LRRC49: variants seen among roughly 807,000 people sequenced by gnomAD.
The protein encoded by LRRC49 is leucine-rich repeat-containing protein 49.
A neutral mutation model predicts 83.3 loss-of-function variants in LRRC49; 50 were observed. The ratio of observed to expected loss-of-function variants is 0.60; its 90% CI spans 0.48 to 0.76. The LOEUF is 0.76. LRRC49 is among the 30% of genes least tolerant of loss of function. The pLI is 0.00. For missense variants in LRRC49, 704 were observed against 809.1 expected, an observed-to-expected ratio of 0.87 and a Z score of 1.58; for synonymous variants, 286 against 283.3, an observed-to-expected ratio of 1.01 and a Z score of -0.10.
intron 8 of LRRC49, among the ~76,000 whole-genome samples, chr15:70,959,641 G>T (rs1427264531): frequency 1.3e-5 from 2 of 151,810 alleles, no homozygotes; most frequent in South Asian, 2.1e-4. Context: ...GTTATTTATA[G>T]ATATCAACAA....
chr15:70,898,522 C>T (rs2033932283), intron 3 of LRRC49: 5 of 635,342 alleles, frequency 7.9e-6, no homozygotes, highest in Non-Finnish European at 1.4e-5. Context: ...TGCCTGTAAC[C>T]CCAGCACTTT....
chr15:70,938,282 T>G (rs2035674169), intron 8 of LRRC49, among the ~76,000 whole-genome samples: 2 of 152,124 alleles, frequency 1.3e-5, no homozygotes, highest in Non-Finnish European at 2.9e-5. Flanking sequence ...GGAGTTCTGC[T>G]CACCCAGCAA....
chr15:70,853,923 T>A, intron 1 of LRRC49: 1 of 1,400,190 alleles, frequency 7.1e-7, no homozygotes, highest in Non-Finnish European at 9.3e-7. Context: ...TCGCTCGCGC[T>A]GCCCCAGCCG....
At chr15:71,001,294 A>G (rs556505907) in intron 11 of LRRC49, among the ~76,000 whole-genome samples, 7 of 152,208 alleles carry the variant, frequency 4.6e-5, no homozygotes, top group East Asian at 1.9e-4. Flanking sequence ...TTGAACTGCA[A>G]TGCCACTCTG....
intron 9 of LRRC49, among the ~76,000 whole-genome samples, chr15:70,976,095 C>T (rs918909672): frequency 4.6e-5 from 7 of 152,100 alleles, no homozygotes; most frequent in Admixed American, 1.3e-4. Context: ...GTGTTCTTTG[C>T]GTGATCAAGA....
intron 11 of LRRC49, among the ~76,000 whole-genome samples, chr15:70,988,848 T>C (rs1312499620): frequency 4.6e-5 from 7 of 152,274 alleles, no homozygotes; most frequent in Admixed American, 6.5e-5. Flanking sequence ...ACAAAATCTC[T>C]CAGCATTTGC....
intron 14 of LRRC49, among the ~76,000 whole-genome samples, chr15:71,021,543 C>T (rs541733337): frequency 9.9e-5 from 15 of 152,204 alleles, no homozygotes; most frequent in African/African-American, 3.4e-4. Context: ...TGACAAACAC[C>T]CCAAATCTTA....
chr15:70,891,449 G>A (rs183475395), upstream of LRRC49, among the ~76,000 whole-genome samples: 160 of 152,236 alleles, frequency 1.1e-3, no homozygotes, highest in African/African-American at 3.7e-3. Flanking sequence ...CTTATGTAAT[G>A]TTATGCAACA....
At chr15:70,992,428 T>C (rs1379339676) in intron 11 of LRRC49, among the ~76,000 whole-genome samples, 1 of 152,196 alleles carries the variant, frequency 6.6e-6, no homozygotes, top group South Asian at 2.1e-4. Flanking sequence ...TTTTTCCCCA[T>C]CTTTGTGGTT....
intron 14 of LRRC49, among the ~76,000 whole-genome samples, chr15:71,029,863 A>G (rs1287873434): frequency 6.6e-6 from 1 of 151,514 alleles, no homozygotes; most frequent in Non-Finnish European, 1.5e-5. Flanking sequence ...TTTGCTTTCC[A>G]TTTGCTTGGT....
rs555806138 is a variant in LRRC49 at position 71,003,070 on chromosome 15, T to C, written c.1170-5309T>C. Among the ~76,000 whole-genome samples the C allele has an allele frequency of 2.0e-5, 3 of 148,602 alleles. No homozygotes were observed. In the East Asian group the frequency reaches 6.2e-4, roughly 31 times the overall value. On this transcript the variant is annotated intron_variant, in intron 11 of 15. Transcript: ENST00000260382. ...CTCCTGCCTCAGCCTCCCGAGTAGC[T>C]GGGATTACAGGCATGCACCACCATG...
At chr15:70,897,919 G>A (rs574138359) in intron 3 of LRRC49, among the ~76,000 whole-genome samples, 2 of 152,170 alleles carry the variant, frequency 1.3e-5, no homozygotes, top group East Asian at 1.9e-4. Flanking sequence ...CCTTAATTAG[G>A]AATTTTAAAA....
chr15:70,857,693 G>A (rs1324161189), intron 1 of LRRC49, among the ~76,000 whole-genome samples: 1 of 152,194 alleles, frequency 6.6e-6, no homozygotes, highest in Non-Finnish European at 1.5e-5. Flanking sequence ...TAATAAGACT[G>A]TGTCTATGCA....
At chr15:70,945,606 G>A (rs1305105891) in intron 8 of LRRC49, among the ~76,000 whole-genome samples, 3 of 144,354 alleles carry the variant, frequency 2.1e-5, no homozygotes, top group African/African-American at 5.1e-5. Flanking sequence ...GGTTGAATTT[G>A]TTTCCTTTTT....
chr15:70,893,732 C>A, intron 2 of LRRC49, 92 bp downstream of exon 2: 3 of 994,798 alleles, frequency 3.0e-6, no homozygotes, highest in Non-Finnish European at 4.6e-6. Context: ...AGATTCTAAA[C>A]TGAAAAATTT....
chr15:70,984,471 A>AG, intron 11 of LRRC49: 1 of 417,250 alleles, frequency 2.4e-6, no homozygotes, highest in Non-Finnish European at 4.2e-6. Flanking sequence ...TATTTTTTAT[A>AG]GGGAAAAGTC....
intron 8 of LRRC49, among the ~76,000 whole-genome samples, chr15:70,951,653 C>T (rs1389154705): frequency 1.3e-5 from 2 of 151,900 alleles, no homozygotes; most frequent in Non-Finnish European, 2.9e-5. Flanking sequence ...TTCTAGAAGC[C>T]TTATGATGGA....
intron 11 of LRRC49, among the ~76,000 whole-genome samples, chr15:70,992,145 T>C (rs1307718032): frequency 6.6e-6 from 1 of 152,218 alleles, no homozygotes; most frequent in Non-Finnish European, 1.5e-5. Flanking sequence ...TCCCGTGCCA[T>C]GGTTTTCAGC....
chr15:71,024,863 C>A (rs1596153074), intron 14 of LRRC49, among the ~76,000 whole-genome samples: 2 of 152,060 alleles, frequency 1.3e-5, no homozygotes, highest in Non-Finnish European at 2.9e-5. Context: ...AACATAGCGA[C>A]CTGATGGAAC....
Sources: gnomAD v4.1 joint callset for allele counts (sites outside exome capture counted in the v4.1 genomes callset) on GRCh38, gnomAD v4.1.1 for gene constraint, MANE v1.5 for transcripts, NCBI Gene and HGNC (gene_info 2026-07-23, HGNC 2026-07-21) for gene names.